EIF3H: variants seen among roughly 807,000 people sequenced by gnomAD.
EIF3H encodes eukaryotic translation initiation factor 3 subunit H.
EIF3H carries 26 observed loss-of-function variants against 44.2 expected under a neutral mutation model. The ratio of observed to expected loss-of-function variants is 0.59; its 90% CI spans 0.43 to 0.82. EIF3H has a LOEUF of 0.82. EIF3H is among the 40% of genes least tolerant of loss of function. The pLI is 0.00. For synonymous variants in EIF3H, 166 were observed against 151.9 expected (o/e 1.09, Z -0.68); for missense variants, 359 against 432.8 (o/e 0.83, Z 1.51).
intron 1 of EIF3H, among the ~76,000 whole-genome samples, chr8:116,761,247 C>T (rs1815516433): frequency 6.6e-6 from 1 of 152,174 alleles, no homozygotes; most frequent in African/African-American, 2.4e-5. Context: ...TGAGGTGGCT[C>T]ACACCTGTAA....
At chr8:116,665,543 G>A (rs1317419776) in intron 2 of EIF3H, among the ~76,000 whole-genome samples, 2 of 152,072 alleles carry the variant, frequency 1.3e-5, no homozygotes, top group Non-Finnish European at 2.9e-5. Context: ...TAAAAAGCAA[G>A]CAAACAAACA....
intron 2 of EIF3H, among the ~76,000 whole-genome samples, chr8:116,713,628 C>T (rs149513763): frequency 1.3e-3 from 203 of 152,064 alleles, no homozygotes; most frequent in African/African-American, 4.8e-3. Context: ...TTTTGCTTCT[C>T]GTATATTCTA....
At chr8:116,708,738 A>T (rs1437316343) in intron 2 of EIF3H, among the ~76,000 whole-genome samples, 1 of 152,126 alleles carries the variant, frequency 6.6e-6, no homozygotes, top group Non-Finnish European at 1.5e-5. Context: ...TGAAATATAT[A>T]TTTTAAATGC....
At chr8:116,708,585 A>T (rs1020734959) in intron 2 of EIF3H, among the ~76,000 whole-genome samples, 53 of 152,132 alleles carry the variant, frequency 3.5e-4, no homozygotes, top group African/African-American at 1.3e-3. Flanking sequence ...TAATTTATCA[A>T]GCAAATTAAA....
intron 2 of EIF3H, among the ~76,000 whole-genome samples, chr8:116,660,116 C>T (rs1813561417): frequency 6.6e-6 from 1 of 152,116 alleles, no homozygotes; most frequent in African/African-American, 2.4e-5. Flanking sequence ...GTCTCGTACT[C>T]CTAGGATCAA....
chr8:116,732,927 T>C (rs1454753100), intron 1 of EIF3H, among the ~76,000 whole-genome samples: 1 of 152,176 alleles, frequency 6.6e-6, no homozygotes, highest in Non-Finnish European at 1.5e-5. Context: ...TTTAATTCAA[T>C]TTTTGACACT....
At chr8:116,659,186 T>C in intron 2 of EIF3H, among the ~76,000 whole-genome samples, 2 of 152,298 alleles carry the variant, frequency 1.3e-5, no homozygotes, top group Non-Finnish European at 2.9e-5. Context: ...TTTTATTCTT[T>C]AATGAAAAAA....
chr8:116,674,388 T>C (rs1402374954), intron 2 of EIF3H, among the ~76,000 whole-genome samples: 5 of 151,846 alleles, frequency 3.3e-5, no homozygotes, highest in African/African-American at 1.2e-4. Flanking sequence ...AAGTAGTGGA[T>C]GGGGAGGCAC....
rs1292911563 is a variant in EIF3H, at chr8:116,644,976, G to A, written c.*30C>T. The A allele has an allele frequency of 6.4e-7, 1 of 1,558,010 alleles. No individual in the cohort carries two copies. Among genetic ancestry groups the A allele is most frequent in the Non-Finnish European group, 8.8e-7 (1 of 1,130,140 alleles). ...CCCTGGTGTGACTTCAAGAGTTCAT[G>A]TTAACTTCTTTTCTGGAAACTTCCT... On this transcript the variant is annotated 3_prime_UTR_variant, in exon 8 of 8. Coordinates refer to ENST00000521861, the MANE Select transcript of EIF3H (RefSeq NM_003756.3).
At chr8:116,668,484 T>C (rs1047708789) in intron 2 of EIF3H, among the ~76,000 whole-genome samples, 1 of 152,188 alleles carries the variant, frequency 6.6e-6, no homozygotes, top group African/African-American at 2.4e-5. Context: ...CATACATACA[T>C]AGTGACAAAA....
chr8:116,675,755 GT>G, intron 2 of EIF3H, among the ~76,000 whole-genome samples: 1 of 152,292 alleles, frequency 6.6e-6, no homozygotes, highest in Admixed American at 6.5e-5. Context: ...TGTAATTGAT[GT>G]AAAAATGTTA....
chr8:116,652,117 G>C (rs1035185292), intron 5 of EIF3H, among the ~76,000 whole-genome samples: 1 of 152,168 alleles, frequency 6.6e-6, no homozygotes, highest in Admixed American at 6.5e-5. Flanking sequence ...GAGCACAAGA[G>C]GGGGTTCACT....
At chr8:116,734,493 G>A in intron 1 of EIF3H, 1 of 403,794 alleles carries the variant, frequency 2.5e-6, no homozygotes, top group Non-Finnish European at 4.8e-6. Context: ...TAGGGTGGGA[G>A]TGATACACGT....
At chr8:116,756,471 G>C (rs1254623398), upstream of EIF3H, among the ~76,000 whole-genome samples, 1 of 152,160 alleles carries the variant, frequency 6.6e-6, no homozygotes, top group Non-Finnish European at 1.5e-5. Context: ...ACATTACTCT[G>C]AAATACACAT....
intron 2 of EIF3H, among the ~76,000 whole-genome samples, chr8:116,680,381 G>A (rs1813961295): frequency 1.5e-5 from 1 of 65,618 alleles, no homozygotes; most frequent in East Asian, 3.5e-4. Context: ...TTGTGGAATA[G>A]AAAGGCGGGA....
At chr8:116,758,514 C>T (rs747554618), upstream of EIF3H, among the ~76,000 whole-genome samples, 1 of 152,132 alleles carries the variant, frequency 6.6e-6, no homozygotes, top group Admixed American at 6.5e-5. Context: ...AGGATCAAAT[C>T]AGCATTTATG....
chr8:116,750,039 T>C (rs983739353), intron 1 of EIF3H, among the ~76,000 whole-genome samples: 13 of 152,292 alleles, frequency 8.5e-5, no homozygotes, highest in Admixed American at 8.5e-4. Context: ...TCTACATCTA[T>C]ATATGACTGA....
At chr8:116,652,997 A>T (rs1813421951) in intron 5 of EIF3H, among the ~76,000 whole-genome samples, 1 of 152,200 alleles carries the variant, frequency 6.6e-6, no homozygotes. Context: ...CATTAATTGC[A>T]AAAGGAAATC....
rs1813254133 is a variant in EIF3H, at chr8:116,643,501, T to C, written c.*1505A>G. On this transcript the variant is annotated 3_prime_UTR_variant, in exon 8 of 8. Coordinates refer to ENST00000521861, the MANE Select transcript of EIF3H (RefSeq NM_003756.3). ...GGTGCCTAGAATGCCTCCCTCATCA[T>C]AAATACAGGCTGAGTGGCTGCCACA... is the stretch of plus-strand genomic sequence containing the variant. The C allele has an allele frequency of 1.3e-5, 2 of 152,320 alleles. No individual in the cohort carries two copies. The highest frequency in any genetic ancestry group is 4.1e-4 in the South Asian group (2 of 4,830). 9.4% of individuals were successfully genotyped at this position (152,320 alleles called of 1,614,324 possible).
Sources: allele counts gnomAD v4.1 joint callset (sites outside exome capture counted in the v4.1 genomes callset), GRCh38; gene constraint gnomAD v4.1.1; transcripts MANE v1.5; gene names NCBI Gene and HGNC (gene_info 2026-07-23, HGNC 2026-07-21).